The following COL22A1 variants were observed in gnomAD, a reference collection of about 807,000 sequenced individuals.
COL22A1 encodes collagen alpha-1(XXII) chain.
Under a neutral mutation model 248.9 loss-of-function variants are expected in COL22A1, and 221 were observed. That is an observed-to-expected ratio of 0.89 (90% CI 0.80 to 0.99). The LOEUF (loss-of-function observed/expected upper bound fraction) is 0.99, where lower values mean the gene tolerates loss of function less well. Ranked by LOEUF, COL22A1 falls within the 50% of genes least tolerant of loss-of-function variation. The probability of loss-of-function intolerance (pLI) is 0.00; values close to 1 mark genes in which losing one functional copy is unlikely to be tolerated. For synonymous variants in COL22A1, 891 were observed against 793.4 expected (o/e 1.12, Z -2.07); for missense variants, 2,240 against 2,179.0 (o/e 1.03, Z -0.56).
intron 21 of COL22A1, among the ~76,000 whole-genome samples, chr8:138,754,484 T>A (rs547010546): frequency 1.5e-3 from 235 of 152,376 alleles, no homozygotes; most frequent in African/African-American, 5.3e-3. Flanking sequence ...TGTTCATTTA[T>A]AAGTCAGTTA....
chr8:138,769,269 A>G (rs1267598642), intron 16 of COL22A1, among the ~76,000 whole-genome samples: 1 of 152,218 alleles, frequency 6.6e-6, no homozygotes, highest in African/African-American at 2.4e-5. Flanking sequence ...CAACAGTTCA[A>G]CAATGAGCTC....
At chr8:138,744,885 C>T (rs1019306058) in intron 22 of COL22A1, among the ~76,000 whole-genome samples, 5 of 152,118 alleles carry the variant, frequency 3.3e-5, no homozygotes, top group Admixed American at 2.6e-4. Context: ...GGAGCACTGC[C>T]GTCTTTGTAA....
At chr8:138,902,739 T>TATATACACACACACAC (rs763466994) in intron 1 of COL22A1, among the ~76,000 whole-genome samples, 4 of 93,884 alleles carry the variant, frequency 4.3e-5, no homozygotes, top group African/African-American at 1.8e-4. Flanking sequence ...TATATATATA[T>TATATACACACACACAC]ACACACACAC....
chr8:138,839,144 A>G (rs76841163), intron 4 of COL22A1, among the ~76,000 whole-genome samples: 33 of 152,228 alleles, frequency 2.2e-4, no homozygotes, highest in African/African-American at 7.5e-4. Context: ...TGCTGTTCCT[A>G]TTCAAGCATT....
chr8:138,613,800 CTAAA>C (rs954694642), intron 56 of COL22A1, 63 bp downstream of exon 56: 17 of 1,364,594 alleles, frequency 1.2e-5, no homozygotes, highest in Non-Finnish European at 1.6e-5. Flanking sequence ...AGGGAACTAA[CTAAA>C]TATCATTGTG....
chr8:138,795,941 G>A (rs897419873), intron 12 of COL22A1, among the ~76,000 whole-genome samples: 3 of 152,132 alleles, frequency 2.0e-5, no homozygotes, highest in Admixed American at 1.3e-4. Context: ...CCCTCTGAGC[G>A]ATGAATGACC....
chr8:138,636,632 C>A, intron 48 of COL22A1, 110 bp downstream of exon 48: 1 of 810,422 alleles, frequency 1.2e-6, no homozygotes, highest in Non-Finnish European at 2.1e-6. Flanking sequence ...TTAAAAAATC[C>A]TGCTACAGGC....
At chr8:138,886,275 C>T (rs1423244058) in intron 1 of COL22A1, among the ~76,000 whole-genome samples, 3 of 152,162 alleles carry the variant, frequency 2.0e-5, no homozygotes, top group Non-Finnish European at 4.4e-5. Flanking sequence ...GGGCCTCTCT[C>T]CCCCGTGGCC....
intron 22 of COL22A1, among the ~76,000 whole-genome samples, chr8:138,744,711 T>C (rs1831968162): frequency 6.6e-6 from 1 of 152,244 alleles, no homozygotes; most frequent in Non-Finnish European, 1.5e-5. Context: ...ATGAGAATCA[T>C]GGGTGCAAAC....
At chr8:138,875,510 T>C (rs2132030433) in intron 3 of COL22A1, among the ~76,000 whole-genome samples, 1 of 152,362 alleles carries the variant, frequency 6.6e-6, no homozygotes, top group East Asian at 1.9e-4. Flanking sequence ...CAAGGGGTTC[T>C]GGATTCTGGA....
chr8:138,800,403 A>T (rs1462256973), intron 11 of COL22A1, among the ~76,000 whole-genome samples: 2 of 152,224 alleles, frequency 1.3e-5, no homozygotes, highest in East Asian at 3.9e-4. Context: ...GAATTTCACC[A>T]GGTATTATCT....
intron 56 of COL22A1, among the ~76,000 whole-genome samples, chr8:138,611,001 G>T (rs1288756127): frequency 6.6e-6 from 1 of 152,204 alleles, no homozygotes; most frequent in East Asian, 1.9e-4. Context: ...AGGAGGTCGA[G>T]GCTGCAGTTA....
At chr8:138,826,620 G>T in intron 6 of COL22A1, 38 bp downstream of exon 6, 1 of 1,608,856 alleles carries the variant, frequency 6.2e-7, no homozygotes, top group Non-Finnish European at 8.5e-7. Context: ...GGAACAGAAA[G>T]CTCAGGACCA....
At chr8:138,615,061 G>A (rs573433799) in intron 55 of COL22A1, among the ~76,000 whole-genome samples, 24 of 152,270 alleles carry the variant, frequency 1.6e-4, no homozygotes, top group African/African-American at 5.3e-4. Context: ...CATCTCACAC[G>A]TCCAGCCACC....
intron 14 of COL22A1, 87 bp downstream of exon 14, chr8:138,779,422 A>G: frequency 1.2e-6 from 1 of 860,426 alleles, no homozygotes. Flanking sequence ...CTATCTGAGC[A>G]TCTCTTCTGC....
At chr8:138,602,010 C>T (rs578176943) in intron 60 of COL22A1, 105 bp downstream of exon 60, 225 of 1,143,418 alleles carry the variant, frequency 2.0e-4, no homozygotes, top group Non-Finnish European at 2.7e-4. Flanking sequence ...ATGATCCAGG[C>T]GGGTGTTTAC....
chr8:138,615,850 A>G (rs1389852471), intron 55 of COL22A1, 151 bp downstream of exon 55: 6 of 621,274 alleles, frequency 9.7e-6, no homozygotes, highest in African/African-American at 1.9e-5. Flanking sequence ...GGAGGCGCCA[A>G]TCTCATCCTT....
intron 18 of COL22A1, among the ~76,000 whole-genome samples, chr8:138,757,803 T>C (rs1047856279): frequency 5.9e-5 from 9 of 152,238 alleles, no homozygotes; most frequent in African/African-American, 1.9e-4. Flanking sequence ...CAAAAGTCTT[T>C]CCTAGAATCA....
Position 138,812,948 on chromosome 8 carries a change from G to C in COL22A1, c.1317C>G (p.Pro439=), listed in dbSNP as rs768183414. Residue 439 remains proline, a synonymous_variant, in exon 8 of 65, where the codon CCC becomes CCG. Coordinates refer to ENST00000303045, the MANE Select transcript of COL22A1 (RefSeq NM_152888.3). ...GCGAGAGTCTGCTCACCGGACCCGA[G>C]GGGATATCACAACAAGTCTCCAATT... The part of the protein sequence containing the change: ...HAELETCCDI[P]SGPCQVTVVT... 1 of 1,612,958 alleles carries C rather than the reference G, an allele frequency of 6.2e-7. No individual in the cohort carries two copies. The highest frequency in any genetic ancestry group is 1.3e-5 in the African/African-American group (1 of 74,874).
Sources: allele counts gnomAD v4.1 joint callset (sites outside exome capture counted in the v4.1 genomes callset), GRCh38; gene constraint gnomAD v4.1.1; transcripts MANE v1.5; gene names NCBI Gene and HGNC (gene_info 2026-07-23, HGNC 2026-07-21).